Variants in CD226 observed in about 807,000 individuals in gnomAD.
CD226 encodes CD226 antigen.
CD226 carries 24 observed loss-of-function variants against 34.9 expected under a neutral mutation model. The observed-to-expected ratio is 0.69, with a 90% CI of 0.50 to 0.97. CD226 has a LOEUF of 0.97. Among genes scored for constraint, CD226 ranks in the 50% least tolerant of loss-of-function variants. The probability of loss-of-function intolerance (pLI) is 0.00; values close to 1 mark genes in which losing one functional copy is unlikely to be tolerated. For synonymous variants in CD226, 148 were observed against 147.4 expected (o/e 1.00, Z -0.03); for missense variants, 397 against 412.7 (o/e 0.96, Z 0.33).
chr18:69,950,285 C>T (rs1006164691), upstream of CD226, among the ~76,000 whole-genome samples: 1 of 152,216 alleles, frequency 6.6e-6, no homozygotes, highest in African/African-American at 2.4e-5. Flanking sequence ...CACACACATA[C>T]TGCATCTGGC....
At chr18:69,923,604 A>T (rs766438020) in intron 2 of CD226, among the ~76,000 whole-genome samples, 1 of 152,226 alleles carries the variant, frequency 6.6e-6, no homozygotes, top group Non-Finnish European at 1.5e-5. Flanking sequence ...AACTTGCAAG[A>T]AAGTGACAAC....
chr18:69,950,638 A>G (rs1341718066), upstream of CD226, among the ~76,000 whole-genome samples: 1 of 152,022 alleles, frequency 6.6e-6, no homozygotes, highest in African/African-American at 2.4e-5. Flanking sequence ...TGGATAGGAG[A>G]GCAGGTGCAC....
intron 2 of CD226, chr18:69,944,663 G>A (rs1308735756): frequency 6.6e-6 from 1 of 152,194 alleles, no homozygotes; most frequent in Non-Finnish European, 1.5e-5. Flanking sequence ...TCTAGCTTTG[G>A]TGGCTCAGGC....
rs1568164911 is a variant in CD226, at chr18:69,880,349, A to AAGG, written c.728-7104_728-7103insCCT. Among the ~76,000 whole-genome samples the AAGG allele has an allele frequency of 6.8e-4, 55 of 80,292 alleles. 1 individual carries two copies. Among genetic ancestry groups the AAGG allele is most frequent in the Admixed American group, 1.8e-3 (13 of 7,330 alleles). The allele number at this position is 80,292 out of a possible 152,430, so 52.7% of individuals were successfully genotyped here. ...GAAAGAGAGAAAGAAAGAAAGAAAG[A>AAGG]AAGAAAGAAAGGAAGGAAGGAAGGA... On this transcript the variant is annotated intron_variant, in intron 3 of 5. Coordinates refer to ENST00000582621, the MANE Select transcript of CD226 (RefSeq NM_001303618.2).
chr18:69,946,705 A>AT (rs758462758), intron 2 of CD226, 29 bp downstream of exon 2: 8 of 1,446,470 alleles, frequency 5.5e-6, no homozygotes, highest in East Asian at 4.6e-5. Context: ...ATAAAAAGGG[A>AT]TTTAAAAAAA....
At position 69,947,155 on chromosome 18, in the gene CD226, T is replaced by C. The variant is rs192357478; in HGVS notation, c.47-86A>G. ...CTTAAGCTTTTGAAGACCTAGTGCA[T>C]TGAGATCACAGTAAAGGCTGACAGT... On this transcript the variant is annotated intron_variant, in intron 1 of 5. Coordinates refer to ENST00000582621, the MANE Select transcript of CD226 (RefSeq NM_001303618.2). 4,568 of 1,155,236 alleles carry C rather than the reference T, an allele frequency of 4.0e-3. 12 individuals are homozygous for C. Among genetic ancestry groups the C allele is most frequent in the Non-Finnish European group, 5.1e-3 (4,058 of 794,102 alleles). The allele number at this position is 1,155,236 out of a possible 1,614,324, so 71.6% of individuals were successfully genotyped here.
chr18:69,938,107 T>C (rs569246521), intron 2 of CD226, among the ~76,000 whole-genome samples: 3 of 152,220 alleles, frequency 2.0e-5, no homozygotes, highest in Admixed American at 2.0e-4. Context: ...GTGAGGAACA[T>C]CTCTGTGCCC....
chr18:69,859,166 CCT>C lies in CD226; in HGVS notation c.*5146_*5147del, dbSNP rs1568148866. On this transcript the variant is annotated 3_prime_UTR_variant, in exon 6 of 6. Coordinates refer to ENST00000582621, the MANE Select transcript of CD226 (RefSeq NM_001303618.2). Reference sequence around the variant, plus strand: ...ATTCTAGGTTTCATGTATTCCTCCCCCTTTTTCTGGATGAAGGGAGACACCAG... The same window carrying C: ...ATTCTAGGTTTCATGTATTCCTCCCCTTTTCTGGATGAAGGGAGACACCAG... 6.6e-6 allele frequency: 1 copy of C among 152,080 alleles called. No individual in the cohort carries two copies. The highest frequency in any genetic ancestry group is 6.6e-5 in the Admixed American group (1 of 15,258). The allele number at this position is 152,080 out of a possible 1,614,324, so 9.4% of individuals were successfully genotyped here.
chr18:69,913,186 C>A (rs1468822370), intron 2 of CD226, among the ~76,000 whole-genome samples: 2 of 152,168 alleles, frequency 1.3e-5, no homozygotes, highest in Admixed American at 6.5e-5. Flanking sequence ...GTCTCCACAC[C>A]CTCACCTTTC....
intron 2 of CD226, among the ~76,000 whole-genome samples, chr18:69,897,275 T>C (rs1985355011): frequency 6.6e-6 from 1 of 152,178 alleles, no homozygotes; most frequent in South Asian, 2.1e-4. Flanking sequence ...CTTCAGTAAT[T>C]TTTAAAATAG....
chr18:69,949,774 A>G (rs2055832598), upstream of CD226, among the ~76,000 whole-genome samples: 1 of 151,640 alleles, frequency 6.6e-6, no homozygotes. Context: ...CCACACACAC[A>G]TGCTCACAGT....
chr18:69,949,058 C>T (rs546370109), upstream of CD226, among the ~76,000 whole-genome samples: 4 of 152,192 alleles, frequency 2.6e-5, no homozygotes, highest in African/African-American at 9.6e-5. Context: ...GGTGTGACTA[C>T]AGTCTAGTGG....
chr18:69,904,943 A>T (rs1335287086), intron 2 of CD226, among the ~76,000 whole-genome samples: 1 of 152,246 alleles, frequency 6.6e-6, no homozygotes, highest in Non-Finnish European at 1.5e-5. Context: ...TGGTCCCTGG[A>T]GACTACATTA....
At position 69,884,550 on chromosome 18, in the gene CD226, C is replaced by A. The variant is rs952758991; in HGVS notation, c.727+11151G>T. 2.6e-5 allele frequency among the ~76,000 whole-genome samples: 4 copies of A among 152,282 alleles called. No individual in the cohort carries two copies. The East Asian group carries it at 7.7e-4, about 29-fold the overall frequency. On this transcript the variant is annotated intron_variant, in intron 3 of 5. Transcript: ENST00000582621. The stretch of plus-strand genomic sequence containing the variant: ...TTGTCAGCTTTTGATGGAGAAATGT[C>A]TTTCTCGAGGACCTGGGAGCCATCC...
At chr18:69,901,671 A>G (rs940866675) in intron 2 of CD226, among the ~76,000 whole-genome samples, 1 of 152,124 alleles carries the variant, frequency 6.6e-6, no homozygotes, top group African/African-American at 2.4e-5. Flanking sequence ...CGAGGTCAGG[A>G]GATCAAGACC....
intron 2 of CD226, among the ~76,000 whole-genome samples, chr18:69,904,523 T>C (rs906628459): frequency 2.0e-5 from 3 of 152,318 alleles, no homozygotes; most frequent in African/African-American, 7.2e-5. Flanking sequence ...GTCCCCTTGG[T>C]GTAATGTTTG....
intron 2 of CD226, among the ~76,000 whole-genome samples, chr18:69,913,476 T>C (rs1279291836): frequency 6.6e-6 from 1 of 152,218 alleles, no homozygotes; most frequent in African/African-American, 2.4e-5. Context: ...AAACATGTGC[T>C]TTTTTCTAAA....
At chr18:69,929,431 A>T (rs1362718384) in intron 2 of CD226, among the ~76,000 whole-genome samples, 1 of 152,026 alleles carries the variant, frequency 6.6e-6, no homozygotes, top group Non-Finnish European at 1.5e-5. Context: ...CTCACTTTTT[A>T]AATTTTGCTT....
intron 2 of CD226, among the ~76,000 whole-genome samples, chr18:69,901,827 C>T (rs900084079): frequency 2.5e-4 from 38 of 150,686 alleles, no homozygotes; most frequent in African/African-American, 8.1e-4. Flanking sequence ...TGCAGTGAGC[C>T]GAGATCGCAC....
Sources: allele counts gnomAD v4.1 joint callset (sites outside exome capture counted in the v4.1 genomes callset), GRCh38; gene constraint gnomAD v4.1.1; transcripts MANE v1.5; gene names NCBI Gene and HGNC (gene_info 2026-07-23, HGNC 2026-07-21).